The following PTPRN2 variants were observed in gnomAD, a reference collection of about 807,000 sequenced individuals.
PTPRN2 encodes protein tyrosine phosphatase receptor type N2, also known as receptor-type tyrosine-protein phosphatase N2.
A neutral mutation model predicts 118.8 loss-of-function variants in PTPRN2; 74 were observed. The ratio of observed to expected loss-of-function variants is 0.62; its 90% confidence interval spans 0.52 to 0.76. PTPRN2 has a LOEUF of 0.76. PTPRN2 is among the 30% of genes least tolerant of loss of function. The pLI is 0.00. For missense variants in PTPRN2, 1,481 were observed against 1,394.4 expected, an observed-to-expected ratio of 1.06 and a Z score of -0.99; for synonymous variants, 641 against 608.0, an observed-to-expected ratio of 1.05 and a Z score of -0.80.
At chr7:158,439,305 T>TC (rs1166667738) in intron 2 of PTPRN2, among the ~76,000 whole-genome samples, 3 of 152,212 alleles carry the variant, frequency 2.0e-5, no homozygotes, top group African/African-American at 7.2e-5. Flanking sequence ...TCTCAGGACT[T>TC]CCTGAGGCTG....
At chr7:157,946,932 A>C (rs1800523664) in intron 11 of PTPRN2, among the ~76,000 whole-genome samples, 1 of 152,180 alleles carries the variant, frequency 6.6e-6, no homozygotes, top group Admixed American at 6.5e-5. Context: ...TCTGAGGGTC[A>C]AAGAATCAGG....
chr7:158,071,081 G>T (rs1457357060), intron 11 of PTPRN2, among the ~76,000 whole-genome samples: 1 of 97,930 alleles, frequency 1.0e-5, no homozygotes, highest in Non-Finnish European at 2.1e-5. Context: ...GGTGGTGGAG[G>T]TGCCCGTGGT....
chr7:158,029,784 CACACAGCAA>C (rs1763322583), intron 11 of PTPRN2: 1 of 152,264 alleles, frequency 6.6e-6, no homozygotes, highest in South Asian at 2.1e-4. Context: ...CCTGCCCATC[CACACAGCAA>C]ACACAGCAAC....
At chr7:157,657,548 A>ATACACC in intron 13 of PTPRN2, among the ~76,000 whole-genome samples, 2 of 86,400 alleles carry the variant, frequency 2.3e-5, no homozygotes, top group Non-Finnish European at 4.9e-5. Flanking sequence ...ATACACACAC[A>ATACACC]CCACACACAC....
intron 11 of PTPRN2, among the ~76,000 whole-genome samples, chr7:157,935,123 A>G (rs1799618982): frequency 6.6e-6 from 1 of 152,196 alleles, no homozygotes; most frequent in Non-Finnish European, 1.5e-5. Flanking sequence ...AAATGTGCTT[A>G]TGTTAATTTT....
intron 2 of PTPRN2, among the ~76,000 whole-genome samples, chr7:158,336,645 C>CAA: frequency 1.9e-5 from 2 of 105,984 alleles, no homozygotes; most frequent in Admixed American, 1.8e-4. Context: ...TCACTCACAC[C>CAA]CACACGTCAC....
At chr7:157,930,298 G>A (rs1469890086) in intron 11 of PTPRN2, among the ~76,000 whole-genome samples, 1 of 152,186 alleles carries the variant, frequency 6.6e-6, no homozygotes, top group African/African-American at 2.4e-5. Flanking sequence ...GGCAATGAAA[G>A]TCTGGTTCAC....
intron 12 of PTPRN2, chr7:157,856,119 A>AT (rs1372801751): frequency 6.6e-6 from 1 of 152,200 alleles, no homozygotes; most frequent in Admixed American, 6.5e-5. Flanking sequence ...TCTCGGCACC[A>AT]TTTTTAACAC....
intron 11 of PTPRN2, among the ~76,000 whole-genome samples, chr7:158,025,610 C>T (rs1807205067): frequency 6.6e-6 from 1 of 152,220 alleles, no homozygotes; most frequent in African/African-American, 2.4e-5. Context: ...ACATATGTGA[C>T]CACCTTGGGG....
chr7:158,177,390 T>C (rs548671858), intron 5 of PTPRN2, among the ~76,000 whole-genome samples: 1 of 152,282 alleles, frequency 6.6e-6, no homozygotes, highest in South Asian at 2.1e-4. Context: ...GTTCAAAGTT[T>C]TTATACATTT....
chr7:157,842,467 T>C (rs1042358379), intron 12 of PTPRN2, among the ~76,000 whole-genome samples: 2 of 138,904 alleles, frequency 1.4e-5, no homozygotes, highest in Non-Finnish European at 3.0e-5. Context: ...CAGGCTGGAG[T>C]GCAGTGGCAT....
At chr7:158,423,232 A>C (rs2045035) in intron 2 of PTPRN2, among the ~76,000 whole-genome samples, 1,614 of 152,370 alleles carry the variant, frequency 0.011, 37 homozygotes, top group African/African-American at 0.036. Flanking sequence ...ACGGGGGAGA[A>C]ACCGGGATCC....
rs1230563767 is a variant in PTPRN2 at position 157,868,279 on chromosome 7, C to G, written c.1788+30394G>C. Among the ~76,000 whole-genome samples, 3 of 152,192 alleles carry G rather than the reference C, an allele frequency of 2.0e-5. No homozygotes were observed. The highest frequency in any genetic ancestry group is 4.4e-5 in the Non-Finnish European group (3 of 68,038). On this transcript the variant is annotated intron_variant, in intron 12 of 22. Transcript: ENST00000389418. This position sits in a 1 kb window ranked among gnomAD's most constrained non-coding sequence, Gnocchi z 5.2. Reference sequence around the variant, plus strand: ...TCGGCAAGCCCATCTGAACAGGGCTCTCTGCAGGCAGCCCCAGGCCTGGAG... The same window carrying G: ...TCGGCAAGCCCATCTGAACAGGGCTGTCTGCAGGCAGCCCCAGGCCTGGAG...
intron 1 of PTPRN2, among the ~76,000 whole-genome samples, chr7:158,540,223 G>A (rs1188355156): frequency 6.6e-6 from 1 of 152,190 alleles, no homozygotes; most frequent in Non-Finnish European, 1.5e-5. Context: ...GCAGCCGGGG[G>A]CTCCCAGGAG....
intron 2 of PTPRN2, among the ~76,000 whole-genome samples, chr7:158,419,777 C>T (rs1815097510): frequency 6.6e-6 from 1 of 152,186 alleles, no homozygotes; most frequent in African/African-American, 2.4e-5. Context: ...CAGAAGCTCA[C>T]ACGTGATGTC....
chr7:157,592,634 A>G (rs927560536), intron 17 of PTPRN2, among the ~76,000 whole-genome samples: 5 of 146,036 alleles, frequency 3.4e-5, no homozygotes, highest in South Asian at 2.2e-4. Context: ...GGACGCCAAG[A>G]GCCTTCACAC....
At chr7:158,105,294 C>A (rs1469648227) in intron 10 of PTPRN2, among the ~76,000 whole-genome samples, 1 of 147,640 alleles carries the variant, frequency 6.8e-6, no homozygotes, top group Non-Finnish European at 1.5e-5. Flanking sequence ...AACTCCATCC[C>A]AACTCCACCC....
intron 12 of PTPRN2, among the ~76,000 whole-genome samples, chr7:157,725,554 C>T (rs112457899): frequency 0.18 from 2,332 of 13,138 alleles, 7 homozygotes; most frequent in Middle Eastern, 0.25. Flanking sequence ...ACTGGATATC[C>T]ACACGCAGAG....
At chr7:158,463,956 T>C (rs1733152) in intron 2 of PTPRN2, among the ~76,000 whole-genome samples, 2,122 of 20,036 alleles carry the variant, frequency 0.11, 128 homozygotes, top group Admixed American at 0.15. Flanking sequence ...ATCACCGTCA[T>C]CATCCTTACC....
Sources: gnomAD v4.1 joint callset for allele counts (sites outside exome capture counted in the v4.1 genomes callset) on GRCh38, gnomAD v4.1.1 for gene constraint, Gnocchi (gnomAD v3.1) non-coding constraint, MANE v1.5 for transcripts, NCBI Gene and HGNC (gene_info 2026-07-23, HGNC 2026-07-21) for gene names.